PDS5B: variants seen among roughly 807,000 people sequenced by gnomAD.
The protein encoded by PDS5B is PDS5 cohesin associated factor B.
In PDS5B, 51 loss-of-function variants were observed where a neutral mutation model predicts 184.1. The observed-to-expected ratio is 0.28, with a 90% CI of 0.22 to 0.35. PDS5B has a LOEUF of 0.35. PDS5B is among the 10% of genes least tolerant of loss of function. The pLI is 1.00. For synonymous variants in PDS5B, 566 were observed against 569.2 expected, an observed-to-expected ratio of 0.99 and a Z score of 0.08; for missense variants, 1,180 against 1,723.3, an observed-to-expected ratio of 0.68 and a Z score of 5.58.
intron 3 of PDS5B, among the ~76,000 whole-genome samples, chr13:32,655,374 A>ATATTTT: frequency 1.1e-4 from 8 of 72,484 alleles, no homozygotes; most frequent in African/African-American, 4.1e-4. Context: ...ATATATATAT[A>ATATTTT]TTTTTTTTTT....
chr13:32,663,001 C>T (rs1950688472), intron 6 of PDS5B, among the ~76,000 whole-genome samples: 1 of 151,988 alleles, frequency 6.6e-6, no homozygotes, highest in Admixed American at 6.6e-5. Context: ...GAAAATATAA[C>T]CTGGCAAATT....
chr13:32,684,884 C>T (rs1432291092), intron 11 of PDS5B, among the ~76,000 whole-genome samples: 1 of 152,124 alleles, frequency 6.6e-6, no homozygotes, highest in South Asian at 2.1e-4. Flanking sequence ...GAGGCTGAGA[C>T]GGGTAGATCA....
Position 32,753,409 on chromosome 13 carries a change from G to A in PDS5B, c.2814G>A (p.Glu938=). 2 of 1,613,960 alleles carry A rather than the reference G, an allele frequency of 1.2e-6. No individual in the cohort carries two copies. The highest frequency in any genetic ancestry group is 2.2e-5 in the East Asian group (1 of 44,872). The part of the protein sequence containing the change: ...KGLSRLRLPL[E]YMAICALCAK... ...TTTCCCGTTTACGGCTTCCACTTGA[G>A]TATATGGCAATCTGTGCCCTTTGTG... The change falls in exon 25 of 35, where the codon GAG becomes GAA. Residue 938 remains glutamate (E), a synonymous_variant. Coordinates refer to ENST00000315596, the MANE Select transcript of PDS5B (RefSeq NM_015032.4).
chr13:32,773,276 T>A lies in PDS5B; in HGVS notation c.4260T>A (p.Asp1420Glu). 1 of 1,612,726 alleles carries A rather than the reference T, an allele frequency of 6.2e-7. No homozygotes were observed. The highest frequency in any genetic ancestry group is 1.7e-4 in the Middle Eastern group (1 of 6,050). Reference sequence around the variant, plus strand: ...TGTTTCAGGGTAGCTCTCCTGTCGATGATATTCCACAGGAAGAAACAGAGG... The same window carrying A: ...TGTTTCAGGGTAGCTCTCCTGTCGAAGATATTCCACAGGAAGAAACAGAGG... ...VDVFQGSSPV[D>E]DIPQEETEEE... The change falls in exon 34 of 35, where the codon GAT becomes GAA. Residue 1420 changes from aspartate to glutamate, a missense_variant. Physicochemically the swap from Asp to Glu is conservative, Grantham distance 45 (BLOSUM62 2). Around this residue, in one of 11 missense-constraint regions of PDS5B, gnomAD observed 465 missense variants for 497.8 expected, o/e 0.93. Coordinates refer to ENST00000315596, the MANE Select transcript of PDS5B (RefSeq NM_015032.4).
intron 1 of PDS5B, among the ~76,000 whole-genome samples, chr13:32,596,790 T>G (rs530586734): frequency 1.3e-5 from 2 of 152,256 alleles, no homozygotes; most frequent in East Asian, 3.9e-4. Flanking sequence ...ATATTTTCTT[T>G]CGTAGGATGC....
chr13:32,741,067 C>G lies in PDS5B; in HGVS notation c.2407-13C>G. ...AAGTCCCTGGTTTTTTTTTTTTTCTCGTTTATTTTTAGCTTCCAGGGAAAA... is the reference window on the plus strand; with the variant it reads ...AAGTCCCTGGTTTTTTTTTTTTTCTGGTTTATTTTTAGCTTCCAGGGAAAA... On this transcript the variant is annotated splice_polypyrimidine_tract_variant and intron_variant, in intron 21 of 34. Transcript: ENST00000315596. 3 of 1,230,054 alleles carry G rather than the reference C, an allele frequency of 2.4e-6. No homozygotes were observed. Among genetic ancestry groups the G allele is most frequent in the African/African-American group, 1.8e-5 (1 of 55,924 alleles). 76.2% of individuals were successfully genotyped at this position (1,230,054 alleles called of 1,614,324 possible).
intron 1 of PDS5B, among the ~76,000 whole-genome samples, chr13:32,646,993 T>A (rs919530895): frequency 2.6e-5 from 4 of 152,208 alleles, no homozygotes; most frequent in Non-Finnish European, 5.9e-5. Flanking sequence ...CCTTTCAAGG[T>A]ACTGTGTGTG....
intron 9 of PDS5B, among the ~76,000 whole-genome samples, chr13:32,678,103 C>T (rs1237032986): frequency 6.6e-6 from 1 of 152,078 alleles, no homozygotes; most frequent in East Asian, 1.9e-4. Context: ...TGTTAATTCA[C>T]ATCAGAATGA....
intron 20 of PDS5B, among the ~76,000 whole-genome samples, chr13:32,732,718 C>G (rs965152751): frequency 6.6e-6 from 1 of 151,954 alleles, no homozygotes; most frequent in African/African-American, 2.4e-5. Context: ...ATTATTTTAT[C>G]CACATTCTAA....
intron 17 of PDS5B, among the ~76,000 whole-genome samples, chr13:32,704,663 T>A (rs1231391959): frequency 2.0e-5 from 3 of 152,232 alleles, no homozygotes; most frequent in Non-Finnish European, 2.9e-5. Flanking sequence ...TTCCCTTTGG[T>A]TCTTTAGTCT....
chr13:32,685,167 G>GTA (rs1951350514), intron 11 of PDS5B, among the ~76,000 whole-genome samples: 1 of 152,186 alleles, frequency 6.6e-6, no homozygotes, highest in Non-Finnish European at 1.5e-5. Flanking sequence ...TAATACTCTC[G>GTA]TTGATAATGC....
intron 1 of PDS5B, among the ~76,000 whole-genome samples, chr13:32,638,827 G>A (rs1220380806): frequency 6.6e-6 from 1 of 152,002 alleles, no homozygotes; most frequent in Admixed American, 6.6e-5. Context: ...AGGGAAGGAA[G>A]GAATGGGGAA....
chr13:32,686,313 C>A lies in PDS5B; in HGVS notation c.1204-821C>A, dbSNP rs542486583. On this transcript the variant is annotated intron_variant, in intron 11 of 34. Transcript: ENST00000315596. ...CTCAGTCCCAGATGTACAGAATGGA[C>A]CACTGATAAGTATTTTTACATTCAG... Among the ~76,000 whole-genome samples, 4 of 152,216 alleles carry A rather than the reference C, an allele frequency of 2.6e-5. No homozygotes were observed. In the East Asian group the frequency reaches 7.7e-4, roughly 29 times the overall value.
At chr13:32,754,060 C>A (rs1256839582) in intron 25 of PDS5B, among the ~76,000 whole-genome samples, 1 of 151,802 alleles carries the variant, frequency 6.6e-6, no homozygotes, top group African/African-American at 2.4e-5. Flanking sequence ...ACCTTTTTTC[C>A]CTCCTCTCAT....
intron 1 of PDS5B, among the ~76,000 whole-genome samples, chr13:32,617,653 A>C (rs73173075): frequency 1.3e-4 from 20 of 152,352 alleles, no homozygotes; most frequent in Non-Finnish European, 2.5e-4. Context: ...ATCTGGCTTA[A>C]TAATGGCATT....
chr13:32,679,913 G>GTGTC (rs1200580403), intron 10 of PDS5B, among the ~76,000 whole-genome samples: 1 of 145,468 alleles, frequency 6.9e-6, no homozygotes, highest in African/African-American at 2.6e-5. Flanking sequence ...GTGTGTGTGT[G>GTGTC]TGTCTGTTTC....
intron 23 of PDS5B, among the ~76,000 whole-genome samples, chr13:32,744,330 T>C (rs911341032): frequency 3.9e-5 from 6 of 152,140 alleles, no homozygotes; most frequent in African/African-American, 1.4e-4. Flanking sequence ...CATTCAGGAA[T>C]ATTTAGGGGC....
At chr13:32,741,038 T>A (rs747644602) in intron 21 of PDS5B, 42 bp from the exon 22 acceptor site, 15 of 1,143,942 alleles carry the variant, frequency 1.3e-5, no homozygotes, top group Non-Finnish European at 1.9e-5. Flanking sequence ...ATATTTACAT[T>A]TTAAAGTCCC....
At chr13:32,586,917 G>GGGC (rs1301364484) in intron 1 of PDS5B, among the ~76,000 whole-genome samples, 12 of 143,260 alleles carry the variant, frequency 8.4e-5, no homozygotes, top group Admixed American at 2.1e-4. Context: ...ATCCCGGCCG[G>GGGC]GGCGGCGGCG....
Sources: gnomAD v4.1 joint callset for allele counts (sites outside exome capture counted in the v4.1 genomes callset) on GRCh38, gnomAD v4.1.1 for gene constraint, gnomAD v4.1.1 regional missense constraint, MANE v1.5 for transcripts, NCBI Gene and HGNC (gene_info 2026-07-23, HGNC 2026-07-21) for gene names.